The following KIF23 variants were observed in gnomAD, a reference collection of about 807,000 sequenced individuals.
KIF23 encodes kinesin-like protein KIF23.
In KIF23, 30 loss-of-function variants were observed where a neutral mutation model predicts 137.5. That is an observed-to-expected ratio of 0.22 (90% confidence interval 0.16 to 0.30). The LOEUF (loss-of-function observed/expected upper bound fraction) is 0.30, where lower values mean the gene tolerates loss of function less well. Among genes scored for constraint, KIF23 ranks in the 10% least tolerant of loss-of-function variants. The pLI, the probability that KIF23 is intolerant of heterozygous loss-of-function variation, is 1.00. For synonymous variants in KIF23, 367 were observed against 391.1 expected, an observed-to-expected ratio of 0.94 and a Z score of 0.73; for missense variants, 920 against 1,194.3, an observed-to-expected ratio of 0.77 and a Z score of 3.38.
chr15:69,414,359 G>A lies in KIF23; in HGVS notation c.-107G>A. The A allele has an allele frequency of 6.7e-7, 1 of 1,486,180 alleles. No individual in the cohort carries two copies. The highest frequency in any genetic ancestry group is 9.1e-7 in the Non-Finnish European group (1 of 1,098,392). The allele number at this position is 1,486,180 out of a possible 1,614,324, so 92.1% of individuals were successfully genotyped here. On this transcript the variant is annotated 5_prime_UTR_variant, in exon 1 of 24. Coordinates refer to ENST00000679126, the MANE Select transcript of KIF23 (RefSeq NM_001367805.3). ...GTCGCCGCCGGCTTCGCAGAGCACC[G>A]CGCCTTAGCCGCGAAGTTCTAGTTC...
At chr15:69,440,238 G>A in intron 17 of KIF23, 70 bp from the exon 18 acceptor site, 1 of 1,532,704 alleles carries the variant, frequency 6.5e-7, no homozygotes, top group South Asian at 1.3e-5. Flanking sequence ...GAAATAAAGA[G>A]ATTGGGTAAT....
chr15:69,415,786 C>A (rs2056888647), intron 1 of KIF23, among the ~76,000 whole-genome samples: 1 of 152,116 alleles, frequency 6.6e-6, no homozygotes. Context: ...AAAATGTATT[C>A]TAAAGCAAAT....
chr15:69,446,434 T>A, intron 22 of KIF23, 70 bp downstream of exon 22: 1 of 1,182,886 alleles, frequency 8.5e-7, no homozygotes, highest in Non-Finnish European at 1.3e-6. Flanking sequence ...CCCACAGCTC[T>A]AGATTTTTAT....
At chr15:69,446,748 A>G in intron 22 of KIF23, 123 bp from the exon 23 acceptor site, 2 of 877,444 alleles carry the variant, frequency 2.3e-6, no homozygotes, top group South Asian at 2.7e-5. Flanking sequence ...TTTTAACGTA[A>G]GAGTCTTTGC....
rs752883253 is a variant in KIF23 at position 69,417,480 on chromosome 15, A to G, written c.179A>G (p.Tyr60Cys). 1.5e-5 allele frequency: 24 copies of G among 1,613,730 alleles called. No individual in the cohort carries two copies. Among genetic ancestry groups the G allele is most frequent in the African/African-American group, 5.3e-5 (4 of 74,936 alleles). Residue 60 changes from tyrosine (Y) to cysteine (C), a missense_variant, in exon 3 of 24, where the codon TAC (tyrosine) becomes TGC (cysteine). By Grantham distance (194) the Tyr-to-Cys change is radical. This residue lies in a region of KIF23 where 124 missense variants were observed against 122.0 expected (regional missense o/e 1.02). Transcript: ENST00000679126. Reference protein sequence around the residue: ...TTVQLHTPEGYRLNRNGDYKE... With the variant: ...TTVQLHTPEGCRLNRNGDYKE... Reference sequence around the variant, plus strand: ...GTTCAGCTTCATACTCCTGAGGGCTACAGACTCAACCGAAATGGAGACTAT... The same window carrying G: ...GTTCAGCTTCATACTCCTGAGGGCTGCAGACTCAACCGAAATGGAGACTAT...
intron 7 of KIF23, among the ~76,000 whole-genome samples, chr15:69,424,690 A>C (rs1477755467): frequency 6.6e-6 from 1 of 151,944 alleles, no homozygotes; most frequent in African/African-American, 2.4e-5. Context: ...TAGAGATAGG[A>C]GTGATAGGGG....
chr15:69,446,928 C>T lies in KIF23; in HGVS notation c.2896C>T (p.His966Tyr). 1.2e-6 allele frequency: 2 copies of T among 1,614,140 alleles called. No homozygotes were observed. The highest frequency in any genetic ancestry group is 1.7e-6 in the Non-Finnish European group (2 of 1,179,934). Residue 966 changes from histidine to tyrosine, a missense_variant, in exon 23 of 24, where the codon CAC becomes TAC. By Grantham distance (83) the His-to-Tyr change is moderately conservative (BLOSUM62 2). Coordinates refer to ENST00000679126, the MANE Select transcript of KIF23 (RefSeq NM_001367805.3). The stretch of plus-strand genomic sequence containing the variant: ...CCAGCTGGGACCTGGATATCAGCAT[C>T]ACGCACAACCCAAGTGAGTACTGAC... ...GSQLGPGYQH[H>Y]AQPKRKKP
chr15:69,435,017 G>C, intron 11 of KIF23: 1 of 592,528 alleles, frequency 1.7e-6, no homozygotes, highest in Admixed American at 2.8e-5. Flanking sequence ...TCAACACCGC[G>C]TTGGCATCTC....
intron 10 of KIF23, chr15:69,427,277 T>C (rs1019009829): frequency 7.6e-6 from 3 of 392,740 alleles, no homozygotes; most frequent in Non-Finnish European, 1.5e-5. Flanking sequence ...TTAGTATCCA[T>C]AGGAGATCCT....
rs767270026 is a variant in KIF23 at position 69,435,574 on chromosome 15, C to A, written c.1194+12C>A. 2 of 1,613,564 alleles carry A rather than the reference C, an allele frequency of 1.2e-6. No individual in the cohort carries two copies. Among genetic ancestry groups the A allele is most frequent in the East Asian group, 4.5e-5 (2 of 44,882 alleles). On this transcript the variant is annotated intron_variant, in intron 12 of 23. Coordinates refer to ENST00000679126, the MANE Select transcript of KIF23 (RefSeq NM_001367805.3). ...ATGGAACTAACAAGGTAAGCAGCAG[C>A]CTTCTCTGTTCTTTTGTATAGTTTC...
rs2057576013 is a variant in KIF23 at position 69,440,040 on chromosome 15, T to C, written c.1892T>C (p.Met631Thr). Reference sequence around the variant, plus strand: ...AGATTAGAAGCCAGGTTGCAAGGCATGGTGACAGAAACGACAATGAAGTGG... The same window carrying C: ...AGATTAGAAGCCAGGTTGCAAGGCACGGTGACAGAAACGACAATGAAGTGG... Reference protein sequence around the residue: ...KRRLEARLQGMVTETTMKWEK... With the variant: ...KRRLEARLQGTVTETTMKWEK... Residue 631 changes from methionine (M) to threonine (T), a missense_variant, in exon 17 of 24, where the codon ATG becomes ACG. Coordinates refer to ENST00000679126, the MANE Select transcript of KIF23 (RefSeq NM_001367805.3). The C allele has an allele frequency of 1.2e-6, 2 of 1,613,740 alleles. No individual in the cohort carries two copies. Among genetic ancestry groups the C allele is most frequent in the South Asian group, 1.1e-5 (1 of 91,070 alleles).
rs573986660 is a variant in KIF23 at position 69,422,996 on chromosome 15, A to T, written c.564-163A>T. 104 of 518,478 alleles carry T rather than the reference A, an allele frequency of 2.0e-4. 2 individuals carry two copies. The South Asian group carries it at 2.2e-3, about 11-fold the overall frequency. 32.1% of individuals were successfully genotyped at this position (518,478 alleles called of 1,614,324 possible). On this transcript the variant is annotated intron_variant, in intron 6 of 23. Coordinates refer to ENST00000679126, the MANE Select transcript of KIF23 (RefSeq NM_001367805.3). ...GTATTTTTAGTAGAGACGGGGTTTCACCATGTTGGCCAGGCTGGTCTTGAG... is the reference window on the plus strand; with the variant it reads ...GTATTTTTAGTAGAGACGGGGTTTCTCCATGTTGGCCAGGCTGGTCTTGAG...
At chr15:69,432,768 AC>A (rs1234922001) in intron 11 of KIF23, among the ~76,000 whole-genome samples, 1 of 152,222 alleles carries the variant, frequency 6.6e-6, no homozygotes, top group Non-Finnish European at 1.5e-5. Flanking sequence ...TACCTTAAAG[AC>A]ACAGCAGCAG....
intron 10 of KIF23, 44 bp from the exon 11 acceptor site, chr15:69,429,067 C>A: frequency 7.8e-7 from 1 of 1,278,482 alleles, no homozygotes; most frequent in Non-Finnish European, 1.1e-6. Flanking sequence ...CATTATAAAC[C>A]AGTTATAACC....
At chr15:69,427,634 A>G in intron 10 of KIF23, 2 of 340,396 alleles carry the variant, frequency 5.9e-6, no homozygotes, top group Non-Finnish European at 5.8e-6. Flanking sequence ...CCATATGCAG[A>G]TCACTATTTA....
intron 11 of KIF23, among the ~76,000 whole-genome samples, chr15:69,430,653 A>G (rs2057334422): frequency 6.6e-6 from 1 of 152,238 alleles, no homozygotes. Flanking sequence ...GCAGAGTCAA[A>G]GTAGCTGAAG....
rs780049507 is a variant in KIF23, at chr15:69,436,187, C to G, written c.1364C>G (p.Pro455Arg). ...EVTQEVEVARPVDKAICGLTP... is the reference protein window; with the variant it reads ...EVTQEVEVARRVDKAICGLTP... Reference sequence around the variant, plus strand: ...ACTCAAGAAGTTGAAGTAGCAAGACCTGTAGACAAGGCAATATGTGGTTTA... The same window carrying G: ...ACTCAAGAAGTTGAAGTAGCAAGACGTGTAGACAAGGCAATATGTGGTTTA... Residue 455 changes from proline to arginine, a missense_variant, in exon 14 of 24, where the codon CCT becomes CGT. By Grantham distance (103) the Pro-to-Arg change is moderately radical. Around this residue, in one of 4 missense-constraint regions of KIF23, gnomAD observed 714 missense variants for 866.2 expected, o/e 0.82. Coordinates refer to ENST00000679126, the MANE Select transcript of KIF23 (RefSeq NM_001367805.3). 6.2e-7 allele frequency: 1 copy of G among 1,613,856 alleles called. No homozygotes were observed. Among genetic ancestry groups the G allele is most frequent in the Non-Finnish European group, 8.5e-7 (1 of 1,179,952 alleles).
chr15:69,447,349 AAAAT>A lies in KIF23; in HGVS notation c.2909+415_2909+418del, dbSNP rs540774119. 2.9e-4 allele frequency among the ~76,000 whole-genome samples: 44 copies of A among 152,324 alleles called. No homozygotes were observed. In the South Asian group the frequency reaches 8.7e-3, roughly 30 times the overall value. On this transcript the variant is annotated intron_variant, in intron 23 of 23. Transcript: ENST00000679126. ...CTTGGTGTAGCAATAGGTGTTCACT[AAAAT>A]AAATAACACTGAATGAAAGAATTTA... is the stretch of plus-strand genomic sequence containing the variant.
At chr15:69,442,634 A>T (rs570781336) in intron 19 of KIF23, among the ~76,000 whole-genome samples, 7 of 152,368 alleles carry the variant, frequency 4.6e-5, no homozygotes, top group African/African-American at 1.4e-4. Flanking sequence ...AAACATTTTT[A>T]GACAGCAAAT....
Sources: gnomAD v4.1 joint callset for allele counts (sites outside exome capture counted in the v4.1 genomes callset) on GRCh38, gnomAD v4.1.1 for gene constraint, gnomAD v4.1.1 regional missense constraint, MANE v1.5 for transcripts, NCBI Gene and HGNC (gene_info 2026-07-23, HGNC 2026-07-21) for gene names.